Variants in CUL1 observed in about 807,000 individuals in gnomAD.
The protein encoded by CUL1 is cullin-1.
A neutral mutation model predicts 118.0 loss-of-function variants in CUL1; 24 were observed. That is an observed-to-expected ratio of 0.20 (90% CI 0.15 to 0.29). The LOEUF (loss-of-function observed/expected upper bound fraction) is 0.29, where lower values mean the gene tolerates loss of function less well. Among genes scored for constraint, CUL1 ranks in the 10% least tolerant of loss-of-function variants. CUL1 has a pLI of 1.00. For synonymous variants in CUL1, 332 were observed against 340.4 expected (o/e 0.98, Z 0.27); for missense variants, 361 against 933.8 (o/e 0.39, Z 7.99).
At position 148,786,576 on chromosome 7, in the gene CUL1, C is replaced by G; in HGVS notation, c.1324C>G (p.Leu442Val). ...TTCCAAGAACCCAGAGGAGGCAGAA[C>G]TAGAAGACACACTCAATCAAGTGGT... ...KSSKNPEEAE[L>V]EDTLNQVMVV... The change falls in exon 12 of 22, where the codon CTA becomes GTA. Residue 442 changes from leucine to valine, a missense_variant. Coordinates refer to ENST00000325222, the MANE Select transcript of CUL1 (RefSeq NM_003592.3). 6.2e-7 allele frequency: 1 copy of G among 1,613,924 alleles called. No homozygotes were observed. Among genetic ancestry groups the G allele is most frequent in the Non-Finnish European group, 8.5e-7 (1 of 1,179,924 alleles).
At chr7:148,706,541 G>C (rs1463743930) in intron 1 of CUL1, among the ~76,000 whole-genome samples, 2 of 152,022 alleles carry the variant, frequency 1.3e-5, no homozygotes, top group Non-Finnish European at 2.9e-5. Flanking sequence ...CTACCAACAA[G>C]GGACTCAAAA....
intron 17 of CUL1, 147 bp from the exon 18 acceptor site, chr7:148,797,665 A>C: frequency 1.6e-6 from 1 of 631,442 alleles, no homozygotes; most frequent in Non-Finnish European, 2.7e-6. Context: ...AGAAGTACCA[A>C]CTTTTTTTTC....
rs1296292968 is a variant in CUL1, at chr7:148,766,617, C to T, written c.846C>T (p.Ser282=). Reference sequence around the variant, plus strand: ...GAGTTCAGGTTTACCTTCATGAAAGCACACAAGATGAATTAGCAAGGAAAT... The same window carrying T: ...GAGTTCAGGTTTACCTTCATGAAAGTACACAAGATGAATTAGCAAGGAAAT... ...QRRVQVYLHE[S]TQDELARKCE... Residue 282 remains serine (S), a synonymous_variant, in exon 8 of 22, where the codon AGC becomes AGT. Transcript: ENST00000325222. 6.2e-7 allele frequency: 1 copy of T among 1,613,622 alleles called. No homozygotes were observed. The highest frequency in any genetic ancestry group is 1.3e-5 in the African/African-American group (1 of 74,866).
chr7:148,757,191 T>G lies in CUL1; in HGVS notation c.483+41T>G, dbSNP rs534750244. 3.7e-6 allele frequency: 5 copies of G among 1,339,748 alleles called. No homozygotes were observed. In the South Asian group the frequency reaches 1.1e-4, roughly 29 times the overall value. The allele number at this position is 1,339,748 out of a possible 1,614,324, so 83.0% of individuals were successfully genotyped here. ...TAAAACGTTTTAAATTTGTTTTTGTTTTTGTTTTTTTTAATGGCAAATTGT... is the reference window on the plus strand; with the variant it reads ...TAAAACGTTTTAAATTTGTTTTTGTGTTTGTTTTTTTTAATGGCAAATTGT... On this transcript the variant is annotated intron_variant, in intron 4 of 21. Coordinates refer to ENST00000325222, the MANE Select transcript of CUL1 (RefSeq NM_003592.3).
At chr7:148,710,128 G>A (rs1186846552) in intron 1 of CUL1, among the ~76,000 whole-genome samples, 1 of 152,124 alleles carries the variant, frequency 6.6e-6, no homozygotes, top group African/African-American at 2.4e-5. Context: ...TATTGTTGAT[G>A]CTTTTGTGTC....
chr7:148,763,424 A>T (rs540058625), intron 7 of CUL1, among the ~76,000 whole-genome samples: 1 of 152,186 alleles, frequency 6.6e-6, no homozygotes, highest in Non-Finnish European at 1.5e-5. Flanking sequence ...GAATTTGACC[A>T]TGTAATTCTG....
At chr7:148,737,576 A>T (rs6980149) in intron 2 of CUL1, among the ~76,000 whole-genome samples, 4,433 of 126,994 alleles carry the variant, frequency 0.035, 90 homozygotes, top group Admixed American at 0.051. Context: ...ATATATTTTT[A>T]TATTTATTTA....
chr7:148,767,471 G>A, intron 8 of CUL1, 148 bp from the exon 9 acceptor site: 1 of 674,682 alleles, frequency 1.5e-6, no homozygotes, highest in South Asian at 1.9e-5. Context: ...GAGAATATTT[G>A]GTTATAATTA....
chr7:148,708,408 G>T (rs1445172348), intron 1 of CUL1, among the ~76,000 whole-genome samples: 3 of 152,168 alleles, frequency 2.0e-5, no homozygotes, highest in African/African-American at 7.2e-5. Context: ...AATCTTACTA[G>T]TTCCTCCCCC....
chr7:148,753,177 T>C (rs1470660253), intron 2 of CUL1, among the ~76,000 whole-genome samples: 1 of 152,152 alleles, frequency 6.6e-6, no homozygotes, highest in African/African-American at 2.4e-5. Flanking sequence ...GAAGTATCTT[T>C]ATATAGTAAA....
chr7:148,757,594 C>T (rs1340141903), intron 4 of CUL1, among the ~76,000 whole-genome samples: 2 of 152,148 alleles, frequency 1.3e-5, no homozygotes, highest in Admixed American at 6.5e-5. Flanking sequence ...TACTAAATCA[C>T]CCTCAGTAAT....
At chr7:148,792,134 C>T (rs986453650) in intron 16 of CUL1, among the ~76,000 whole-genome samples, 3 of 151,092 alleles carry the variant, frequency 2.0e-5, no homozygotes, top group Non-Finnish European at 4.4e-5. Context: ...TGCAGTGAGT[C>T]GAGATTGTGC....
intron 1 of CUL1, among the ~76,000 whole-genome samples, chr7:148,717,043 T>TTTTTG (rs371522501): frequency 0.035 from 5,315 of 150,714 alleles, 136 homozygotes; most frequent in African/African-American, 0.063. Flanking sequence ...TTGTTTTTCA[T>TTTTTG]TTTTGTTTTG....
Position 148,753,964 on chromosome 7 carries a change from C to A in CUL1, c.141-12C>A. On this transcript the variant is annotated splice_polypyrimidine_tract_variant and intron_variant, in intron 2 of 21. Transcript: ENST00000325222. ...CTGTGATATATGTTGGTTTCCTTAA[C>A]TTTTCTCCAAGTCATGTTTATAACT... 1 of 1,577,766 alleles carries A rather than the reference C, an allele frequency of 6.3e-7. No individual in the cohort carries two copies. The highest frequency in any genetic ancestry group is 8.6e-7 in the Non-Finnish European group (1 of 1,167,200).
chr7:148,724,227 G>T (rs1417999780), intron 1 of CUL1, among the ~76,000 whole-genome samples: 1 of 152,218 alleles, frequency 6.6e-6, no homozygotes. Flanking sequence ...TTGAGAAACA[G>T]CCTGTTTGAT....
intron 1 of CUL1, 144 bp downstream of exon 1, chr7:148,699,173 G>C (rs943856952): frequency 6.6e-6 from 1 of 152,372 alleles, no homozygotes; most frequent in Non-Finnish European, 1.5e-5. Context: ...GCCGAAACGC[G>C]GCCGGGCAGA....
At chr7:148,778,079 AAAAAAAAAAAAAAAAAAAG>A (rs915729132) in intron 9 of CUL1, among the ~76,000 whole-genome samples, 3 of 129,792 alleles carry the variant, frequency 2.3e-5, no homozygotes, top group Admixed American at 7.7e-5. Context: ...TCAAAAAAAA[AAAAAAAAAAAAAAAAAAAG>A]AAGAAGAAGA....
rs1799745028 is a variant in CUL1 at position 148,758,899 on chromosome 7, A to C, written c.484-405A>C. Among the ~76,000 whole-genome samples, 6 of 152,198 alleles carry C rather than the reference A, an allele frequency of 3.9e-5. No individual in the cohort carries two copies. In the South Asian group the frequency reaches 1.2e-3, roughly 32 times the overall value. ...TGGCTAATGGGATTTTTTCTTTTTC[A>C]CATATAAATGCTTTCTTGAGACTCA... is the stretch of plus-strand genomic sequence containing the variant. On this transcript the variant is annotated intron_variant, in intron 4 of 21. Transcript: ENST00000325222.
intron 1 of CUL1, among the ~76,000 whole-genome samples, chr7:148,703,173 T>A (rs1046968339): frequency 6.6e-6 from 1 of 152,196 alleles, no homozygotes; most frequent in Non-Finnish European, 1.5e-5. Flanking sequence ...GAAAATGCTT[T>A]AAGGACTGAT....
Sources: allele counts gnomAD v4.1 joint callset (sites outside exome capture counted in the v4.1 genomes callset), GRCh38; gene constraint gnomAD v4.1.1; transcripts MANE v1.5; gene names NCBI Gene and HGNC (gene_info 2026-07-23, HGNC 2026-07-21).